Variants in NUAK1 observed in about 807,000 individuals in gnomAD.
NUAK1 encodes the protein NUAK family SNF1-like kinase 1.
NUAK1 carries 26 observed loss-of-function variants against 56.9 expected under a neutral mutation model. The observed-to-expected ratio is 0.46, with a 90% confidence interval of 0.33 to 0.63. The LOEUF is 0.63. Among genes scored for constraint, NUAK1 ranks in the 30% least tolerant of loss-of-function variants. The pLI is 0.02. For missense variants in NUAK1, 727 were observed against 876.1 expected (o/e 0.83, Z 2.15); for synonymous variants, 337 against 336.0 (o/e 1.00, Z -0.03).
chr12:106,138,773 G>A lies in NUAK1; in HGVS notation c.-120C>T, dbSNP rs1451633328. ...AGGTCGCCCCCGCAGCATCAGGGAG[G>A]CGGCCCGATACCGCTCGGACTGCGG... On this transcript the variant is annotated 5_prime_UTR_variant, in exon 1 of 7. Transcript: ENST00000261402. The surrounding 1 kb of genome is among the most constrained non-coding windows in gnomAD (Gnocchi z 5.0). 1 of 1,346,170 alleles carries A rather than the reference G, an allele frequency of 7.4e-7. No individual in the cohort carries two copies. Among genetic ancestry groups the A allele is most frequent in the African/African-American group, 1.5e-5 (1 of 65,208 alleles). 83.4% of individuals were successfully genotyped at this position (1,346,170 alleles called of 1,614,324 possible). A position where few individuals can be genotyped will look rare whatever the true frequency, so the allele number is the denominator to read the frequency against.
intron 6 of NUAK1, among the ~76,000 whole-genome samples, chr12:106,069,087 G>A (rs1325159706): frequency 6.6e-6 from 1 of 152,116 alleles, no homozygotes; most frequent in South Asian, 2.1e-4. Context: ...GAGAGATAAT[G>A]CATATCTATA....
rs949472624 is a variant in NUAK1, at chr12:106,064,240, T to C, written c.*2562A>G. 6.6e-6 allele frequency: 1 copy of C among 152,326 alleles called. No individual in the cohort carries two copies. The highest frequency in any genetic ancestry group is 6.5e-5 in the Admixed American group (1 of 15,290). The allele number at this position is 152,326 out of a possible 1,614,324, so 9.4% of individuals were successfully genotyped here. A position where few individuals can be genotyped will look rare whatever the true frequency, so the allele number is the denominator to read the frequency against. On this transcript the variant is annotated 3_prime_UTR_variant, in exon 7 of 7. Coordinates refer to ENST00000261402, the MANE Select transcript of NUAK1 (RefSeq NM_014840.3). ...GAGCTGCTTTAATGGCTTTTCCCTC[T>C]ATTGCAAGTTTTTCCTTGAAAGGAC... is the stretch of plus-strand genomic sequence containing the variant.
Position 106,106,821 on chromosome 12 carries a change from A to G in NUAK1, c.241-296T>C, listed in dbSNP as rs117676111. On this transcript the variant is annotated intron_variant, in intron 1 of 6. Transcript: ENST00000261402. ...AGCAGAGGCTGCTTAACATGGCCAG[A>G]GTCGTTTACTCGAAGAACCCTGATG... Among the ~76,000 whole-genome samples, 21 of 152,266 alleles carry G rather than the reference A, an allele frequency of 1.4e-4. 1 individual carries two copies. The East Asian group carries it at 4.0e-3, about 29-fold the overall frequency.
At chr12:106,101,545 C>G (rs1394345552) in intron 2 of NUAK1, among the ~76,000 whole-genome samples, 1 of 152,158 alleles carries the variant, frequency 6.6e-6, no homozygotes, top group Non-Finnish European at 1.5e-5. Context: ...TATGAAGACA[C>G]AGTTAAAAGT....
intron 4 of NUAK1, among the ~76,000 whole-genome samples, chr12:106,078,026 C>G (rs551745055): frequency 6.6e-6 from 1 of 152,272 alleles, no homozygotes; most frequent in Non-Finnish European, 1.5e-5. Flanking sequence ...TGCAATACCG[C>G]CAATCACTTG....
At chr12:106,094,383 T>G (rs2032671760) in intron 2 of NUAK1, among the ~76,000 whole-genome samples, 1 of 152,224 alleles carries the variant, frequency 6.6e-6, no homozygotes, top group Admixed American at 6.5e-5. Flanking sequence ...TGAAGTGATC[T>G]TTTCTTTGAA....
At chr12:106,080,035 C>A (rs181765059) in intron 4 of NUAK1, among the ~76,000 whole-genome samples, 1 of 152,170 alleles carries the variant, frequency 6.6e-6, no homozygotes, top group African/African-American at 2.4e-5. Context: ...TGCAGGTATG[C>A]GTGGATATAT....
chr12:106,094,316 G>A (rs1307228369), intron 2 of NUAK1, among the ~76,000 whole-genome samples: 1 of 152,174 alleles, frequency 6.6e-6, no homozygotes, highest in African/African-American at 2.4e-5. Flanking sequence ...CCTCAAGGGT[G>A]CTCTTTTATT....
intron 2 of NUAK1, among the ~76,000 whole-genome samples, chr12:106,104,943 A>AT (rs1035511672): frequency 3.3e-5 from 5 of 151,946 alleles, no homozygotes; most frequent in Non-Finnish European, 7.4e-5. Context: ...CGAATTAAAA[A>AT]TAAGTTCATT....
intron 1 of NUAK1, among the ~76,000 whole-genome samples, chr12:106,135,643 T>G (rs2033122646): frequency 6.6e-6 from 1 of 152,196 alleles, no homozygotes; most frequent in Non-Finnish European, 1.5e-5. Context: ...TTAGAACCAC[T>G]GCTCCTCTTG....
chr12:106,127,197 C>T (rs2033032209), intron 1 of NUAK1, among the ~76,000 whole-genome samples: 1 of 152,168 alleles, frequency 6.6e-6, no homozygotes, highest in Admixed American at 6.5e-5. Context: ...CAAGTTCTTG[C>T]TCTGTTGCCC....
At chr12:106,089,770 C>A (rs953731723) in intron 2 of NUAK1, among the ~76,000 whole-genome samples, 3 of 152,178 alleles carry the variant, frequency 2.0e-5, no homozygotes, top group Admixed American at 6.5e-5. Flanking sequence ...GCCTGGGCAA[C>A]TGAGTGAGAC....
At position 106,067,267 on chromosome 12, in the gene NUAK1, C is replaced by T. The variant is rs138538652; in HGVS notation, c.1521G>A (p.Pro507=). ...TGTGGGAGGTTACCCTGGCTGGGTC[C>T]GGGGGGCTGGGGGAGGGGATGCTGC... ...MGSSIPSPSP[P]DPARVTSHSL... is the part of the protein sequence containing the mutation. Residue 507 remains proline, a synonymous_variant, in exon 7 of 7, where the codon CCG becomes CCA. Coordinates refer to ENST00000261402, the MANE Select transcript of NUAK1 (RefSeq NM_014840.3). This position sits in a 1 kb window ranked among gnomAD's most constrained non-coding sequence, Gnocchi z 6.0. The T allele has an allele frequency of 1.0e-4, 164 of 1,613,972 alleles. 1 individual carries two copies. In the African/African-American group the frequency reaches 1.7e-3, roughly 17 times the overall value.
At chr12:106,086,477 T>C (rs2032571590) in intron 3 of NUAK1, among the ~76,000 whole-genome samples, 1 of 152,086 alleles carries the variant, frequency 6.6e-6, no homozygotes, top group South Asian at 2.1e-4. Flanking sequence ...TCTAAAATTA[T>C]TCAAAATTAA....
chr12:106,120,626 C>T (rs1455366760), intron 1 of NUAK1, among the ~76,000 whole-genome samples: 1 of 152,088 alleles, frequency 6.6e-6, no homozygotes, highest in Non-Finnish European at 1.5e-5. Flanking sequence ...TTCTGTAGTC[C>T]CCAGGGAATT....
intron 1 of NUAK1, among the ~76,000 whole-genome samples, chr12:106,115,754 G>A (rs2032910736): frequency 6.6e-6 from 1 of 152,172 alleles, no homozygotes; most frequent in African/African-American, 2.4e-5. Flanking sequence ...GGCCCCAGAC[G>A]AGCATTTCCT....
At chr12:106,119,655 G>A (rs945028331) in intron 1 of NUAK1, among the ~76,000 whole-genome samples, 4 of 152,096 alleles carry the variant, frequency 2.6e-5, no homozygotes, top group South Asian at 2.1e-4. Flanking sequence ...TGTATCTGGC[G>A]AGTTTTCAGT....
At chr12:106,135,064 G>A (rs2033116346) in intron 1 of NUAK1, among the ~76,000 whole-genome samples, 2 of 152,156 alleles carry the variant, frequency 1.3e-5, no homozygotes, top group Non-Finnish European at 2.9e-5. Context: ...CCCTTTTGAG[G>A]TTTTATATAG....
chr12:106,124,272 C>G (rs2136481419), intron 1 of NUAK1, among the ~76,000 whole-genome samples: 1 of 152,234 alleles, frequency 6.6e-6, no homozygotes, highest in South Asian at 2.1e-4. Context: ...TTTATAAAGA[C>G]AGTATTTTTC....
Sources: allele counts gnomAD v4.1 joint callset (sites outside exome capture counted in the v4.1 genomes callset), GRCh38; gene constraint gnomAD v4.1.1; non-coding constraint Gnocchi (gnomAD v3.1); transcripts MANE v1.5; gene names NCBI Gene and HGNC (gene_info 2026-07-23, HGNC 2026-07-21).